UBE2U: variants seen among roughly 807,000 people sequenced by gnomAD.
The protein encoded by UBE2U is ubiquitin conjugating enzyme E2 U, also known as ubiquitin-conjugating enzyme E2 U.
A neutral mutation model predicts 41.2 loss-of-function variants in UBE2U; 39 were observed. The ratio of observed to expected loss-of-function variants is 0.95; its 90% CI spans 0.73 to 1.24. The LOEUF (loss-of-function observed/expected upper bound fraction) is 1.24, where lower values mean the gene tolerates loss of function less well. Among genes scored for constraint, UBE2U ranks in the 50% most tolerant of loss-of-function variants. The pLI is 0.00. For missense variants in UBE2U, 336 were observed against 363.1 expected (o/e 0.93, Z 0.61); for synonymous variants, 107 against 117.8 (o/e 0.91, Z 0.60).
At chr1:64,263,053 A>G (rs12566221) in intron 9 of UBE2U, among the ~76,000 whole-genome samples, 25,079 of 152,126 alleles carry the variant, frequency 0.16, 2,397 homozygotes, top group East Asian at 0.41. Context: ...AAAACCCATG[A>G]TAAGTGGGGA....
chr1:64,217,745 A>T lies in UBE2U; in HGVS notation c.457+2813A>T, dbSNP rs555617902. On this transcript the variant is annotated intron_variant, in intron 5 of 9. Transcript: ENST00000371077. Reference sequence around the variant, plus strand: ...TCTAATACATTTCAGATGCTCATCTAAATAAGCTATAATTGACATTGAGTC... The same window carrying T: ...TCTAATACATTTCAGATGCTCATCTTAATAAGCTATAATTGACATTGAGTC... Among the ~76,000 whole-genome samples, 29 of 152,320 alleles carry T rather than the reference A, an allele frequency of 1.9e-4. 1 individual carries two copies. The South Asian group carries it at 5.6e-3, about 29-fold the overall frequency.
intron 9 of UBE2U, among the ~76,000 whole-genome samples, chr1:64,261,439 G>A (rs1645179435): frequency 6.6e-6 from 1 of 152,126 alleles, no homozygotes. Flanking sequence ...AAAAAAAATA[G>A]TTACTGTTTT....
chr1:64,263,752 G>T (rs2100558594), intron 9 of UBE2U, among the ~76,000 whole-genome samples: 1 of 152,328 alleles, frequency 6.6e-6, no homozygotes, highest in South Asian at 2.1e-4. Context: ...AGGTGGGAGG[G>T]AAGTTGAGGA....
At chr1:64,238,438 T>TGCTAAGGGG (rs1250856469) in intron 7 of UBE2U, among the ~76,000 whole-genome samples, 2 of 150,824 alleles carry the variant, frequency 1.3e-5, no homozygotes, top group Admixed American at 6.6e-5. Flanking sequence ...AAGAAAAATC[T>TGCTAAGGGG]GCTAATGTTA....
chr1:64,230,209 C>T (rs1459367393), intron 6 of UBE2U, among the ~76,000 whole-genome samples: 2 of 152,172 alleles, frequency 1.3e-5, no homozygotes, highest in Admixed American at 6.5e-5. Flanking sequence ...TGAATTACTG[C>T]GTTTGTTTCC....
Position 64,214,829 on chromosome 1 carries a change from T to G in UBE2U, c.354T>G (p.Asn118Lys). The change falls in exon 5 of 10, where the codon AAT becomes AAG. Residue 118 changes from asparagine to lysine, a missense_variant. Physicochemically the swap from Asn to Lys is moderately conservative, Grantham distance 94. Coordinates refer to ENST00000371077, the MANE Select transcript of UBE2U (RefSeq NM_001366232.2). ...ILLALQVMLS[N>K]PVLENPVNLE... is the part of the protein sequence containing the mutation. The stretch of plus-strand genomic sequence containing the variant: ...TTTTCCTATAGGTTATGCTTTCTAA[T>G]CCAGTGCTAGAGAATCCAGTGAATT... 1 of 1,614,014 alleles carries G rather than the reference T, an allele frequency of 6.2e-7. No individual in the cohort carries two copies. The highest frequency in any genetic ancestry group is 1.1e-5 in the South Asian group (1 of 91,082).
chr1:64,226,148 G>T (rs1652851399), intron 6 of UBE2U, among the ~76,000 whole-genome samples: 1 of 152,192 alleles, frequency 6.6e-6, no homozygotes, highest in Non-Finnish European at 1.5e-5. Flanking sequence ...TAAATAAATT[G>T]TGCTTTATTA....
chr1:64,236,272 C>A (rs947718706), intron 7 of UBE2U, among the ~76,000 whole-genome samples: 1 of 152,128 alleles, frequency 6.6e-6, no homozygotes, highest in Non-Finnish European at 1.5e-5. Flanking sequence ...AGGCTGTGGT[C>A]CAGAGACTGG....
intron 4 of UBE2U, among the ~76,000 whole-genome samples, chr1:64,212,346 G>C (rs1030052366): frequency 1.2e-4 from 19 of 152,168 alleles, no homozygotes; most frequent in Admixed American, 1.1e-3. Context: ...TGAAAATTTT[G>C]AATTGCAGAA....
intron 8 of UBE2U, among the ~76,000 whole-genome samples, chr1:64,252,910 G>A (rs1645034227): frequency 6.6e-6 from 1 of 152,202 alleles, no homozygotes; most frequent in Non-Finnish European, 1.5e-5. Flanking sequence ...GGCTGAGGCT[G>A]AGATGGTTGA....
chr1:64,252,503 A>G (rs1436886816), intron 8 of UBE2U, among the ~76,000 whole-genome samples: 2 of 152,176 alleles, frequency 1.3e-5, no homozygotes, highest in African/African-American at 4.8e-5. Flanking sequence ...TGTTTGGGAC[A>G]GCAATAGGTC....
At chr1:64,224,934 A>ATC (rs928146568) in intron 6 of UBE2U, among the ~76,000 whole-genome samples, 2 of 117,206 alleles carry the variant, frequency 1.7e-5, no homozygotes, top group African/African-American at 9.3e-5. Context: ...ATAGGATATT[A>ATC]TCACACACAC....
chr1:64,209,866 C>G lies in UBE2U; in HGVS notation c.242-876C>G, dbSNP rs190109152. Among the ~76,000 whole-genome samples, 392 of 152,186 alleles carry G rather than the reference C, an allele frequency of 2.6e-3. 3 individuals are homozygous for G. The highest frequency in any genetic ancestry group is 9.2e-3 in the African/African-American group (383 of 41,536). On this transcript the variant is annotated intron_variant, in intron 3 of 9. Transcript: ENST00000371077. Reference sequence around the variant, plus strand: ...TTTTGCCAATTTGGTAAGAGTCTTGCTATTATTTTAATAAGCACTTCTTTG... The same window carrying G: ...TTTTGCCAATTTGGTAAGAGTCTTGGTATTATTTTAATAAGCACTTCTTTG...
intron 5 of UBE2U, among the ~76,000 whole-genome samples, chr1:64,217,630 G>A (rs116584282): frequency 6.6e-6 from 1 of 152,238 alleles, no homozygotes; most frequent in Non-Finnish European, 1.5e-5. Context: ...TATAAAAAGA[G>A]TAAAGCTGAG....
chr1:64,251,029 G>A (rs980579872), intron 8 of UBE2U, among the ~76,000 whole-genome samples: 2 of 151,632 alleles, frequency 1.3e-5, no homozygotes, highest in East Asian at 1.9e-4. Context: ...CAACCTGCAG[G>A]TTGTGCACAT....
At chr1:64,252,300 A>G (rs1343055259) in intron 8 of UBE2U, among the ~76,000 whole-genome samples, 1 of 152,020 alleles carries the variant, frequency 6.6e-6, no homozygotes, top group African/African-American at 2.4e-5. Context: ...TCTGTGGTTC[A>G]GTTGACTCAG....
chr1:64,247,359 T>C (rs926731610), intron 8 of UBE2U, among the ~76,000 whole-genome samples: 4 of 152,182 alleles, frequency 2.6e-5, no homozygotes, highest in Non-Finnish European at 5.9e-5. Flanking sequence ...GGAATTTTAA[T>C]ATGAGTCACA....
intron 8 of UBE2U, among the ~76,000 whole-genome samples, chr1:64,255,577 A>G (rs1301602362): frequency 1.3e-5 from 2 of 152,152 alleles, no homozygotes; most frequent in Non-Finnish European, 2.9e-5. Flanking sequence ...ATCCACCACA[A>G]TCAAGTTGGC....
At chr1:64,240,301 G>C (rs1218454700) in intron 7 of UBE2U, among the ~76,000 whole-genome samples, 1 of 152,162 alleles carries the variant, frequency 6.6e-6, no homozygotes, top group Non-Finnish European at 1.5e-5. Flanking sequence ...AGGGCATTAA[G>C]GATGGTTAAG....
Sources: allele counts gnomAD v4.1 joint callset (sites outside exome capture counted in the v4.1 genomes callset), GRCh38; gene constraint gnomAD v4.1.1; transcripts MANE v1.5; gene names NCBI Gene and HGNC (gene_info 2026-07-23, HGNC 2026-07-21).